The following MAST4 variants were observed in gnomAD, a reference collection of about 807,000 sequenced individuals.
MAST4 encodes microtubule associated serine/threonine kinase family member 4.
A neutral mutation model predicts 162.7 loss-of-function variants in MAST4; 89 were observed. The observed-to-expected ratio is 0.55, with a 90% CI of 0.46 to 0.65. The LOEUF (loss-of-function observed/expected upper bound fraction) is 0.65. Among genes scored for constraint, MAST4 ranks in the 30% least tolerant of loss-of-function variants. MAST4 has a pLI of 0.00. For synonymous variants in MAST4, 1,479 were observed against 1,361.1 expected, an observed-to-expected ratio of 1.09 and a Z score of -1.91; for missense variants, 3,153 against 3,374.0, an observed-to-expected ratio of 0.93 and a Z score of 1.62.
At chr5:66,802,988 A>G (rs1253187024) in intron 3 of MAST4, among the ~76,000 whole-genome samples, 1 of 152,148 alleles carries the variant, frequency 6.6e-6, no homozygotes, top group Non-Finnish European at 1.5e-5. Flanking sequence ...CAGATGATGA[A>G]AAAGACTGGT....
At chr5:66,907,238 A>G (rs972617776) in intron 4 of MAST4, among the ~76,000 whole-genome samples, 2 of 149,384 alleles carry the variant, frequency 1.3e-5, no homozygotes, top group African/African-American at 5.0e-5. Flanking sequence ...CTTCACAGAT[A>G]GAATCCCAGG....
intron 3 of MAST4, among the ~76,000 whole-genome samples, chr5:66,837,896 T>A (rs2921581): frequency 8.0e-3 from 130 of 16,264 alleles, no homozygotes; most frequent in Middle Eastern, 0.062. Flanking sequence ...ATATATATAT[T>A]TTTTTTTTTT....
At chr5:66,618,255 G>A (rs1413197293) in intron 1 of MAST4, among the ~76,000 whole-genome samples, 1 of 152,204 alleles carries the variant, frequency 6.6e-6, no homozygotes, top group Admixed American at 6.5e-5. Flanking sequence ...AAGTCTGAGG[G>A]TGCAGGGTAG....
Position 66,800,584 on chromosome 5 carries a change from C to G in MAST4, c.642+11790C>G, listed in dbSNP as rs150682873. ...GGAGGGAGAGGATCAGGAAAAATAA[C>G]TAATGGGTACTGGGATTAATACCTG... On this transcript the variant is annotated intron_variant, in intron 3 of 28. Coordinates refer to ENST00000403625, the MANE Select transcript of MAST4 (RefSeq NM_001164664.2). Among the ~76,000 whole-genome samples, 933 of 152,130 alleles carry G rather than the reference C, an allele frequency of 6.1e-3. 7 individuals are homozygous for G. The highest frequency in any genetic ancestry group is 0.022 in the African/African-American group (899 of 41,504).
intron 21 of MAST4, among the ~76,000 whole-genome samples, 181 bp from the exon 22 acceptor site, chr5:67,144,484 ACACT>A (rs1057341087): frequency 1.5e-5 from 2 of 135,790 alleles, no homozygotes; most frequent in Non-Finnish European, 3.3e-5. Context: ...ACACACACAC[ACACT>A]CACTCACCCT....
chr5:67,164,272 AAG>A lies in MAST4; in HGVS notation c.5096_5097del (p.Glu1699GlyfsTer38). ...CGAAAGAAAATGTCACTTGAGGACA[AAG>A]AGGACAACCTCTGCCCTGTGCTGAA... On this transcript the variant is annotated frameshift_variant, in exon 29 of 29. Transcript: ENST00000403625. LOFTEE classifies it low-confidence loss of function (END_TRUNC). The surrounding 1 kb of genome is among the most constrained non-coding windows in gnomAD (Gnocchi z 5.3). 1 of 1,614,028 alleles carries A rather than the reference AAG, an allele frequency of 6.2e-7. No individual in the cohort carries two copies. The highest frequency in any genetic ancestry group is 8.5e-7 in the Non-Finnish European group (1 of 1,179,884).
At chr5:66,934,929 C>A (rs1742569245) in intron 4 of MAST4, among the ~76,000 whole-genome samples, 3 of 152,160 alleles carry the variant, frequency 2.0e-5, no homozygotes, top group Admixed American at 2.0e-4. Flanking sequence ...AAGACATATG[C>A]ATTTGAAAGT....
chr5:67,078,929 T>TATATATA (rs1762233235), intron 5 of MAST4, among the ~76,000 whole-genome samples: 1 of 67,218 alleles, frequency 1.5e-5, no homozygotes, highest in Non-Finnish European at 2.6e-5. Context: ...TATATATATA[T>TATATATA]ATATATATAT....
chr5:66,804,772 G>A (rs779094680), intron 3 of MAST4, among the ~76,000 whole-genome samples: 2 of 151,978 alleles, frequency 1.3e-5, no homozygotes, highest in Non-Finnish European at 2.9e-5. Flanking sequence ...TCCTTTGTTG[G>A]GGGACTTTTA....
At chr5:67,045,954 C>T (rs1236744233) in intron 4 of MAST4, among the ~76,000 whole-genome samples, 2 of 152,162 alleles carry the variant, frequency 1.3e-5, no homozygotes, top group African/African-American at 2.4e-5. Context: ...ACTGAAGTCC[C>T]TACTCCTGTC....
chr5:67,056,365 A>G (rs1758824906), intron 5 of MAST4, among the ~76,000 whole-genome samples: 1 of 152,182 alleles, frequency 6.6e-6, no homozygotes, highest in Non-Finnish European at 1.5e-5. Context: ...CACTCAGCAC[A>G]GTGCGCAGCA....
intron 3 of MAST4, among the ~76,000 whole-genome samples, chr5:66,849,889 C>T (rs1169563477): frequency 6.6e-6 from 1 of 152,140 alleles, no homozygotes; most frequent in Non-Finnish European, 1.5e-5. Context: ...TTGATAAAAG[C>T]TGTGTGCACA....
intron 3 of MAST4, among the ~76,000 whole-genome samples, chr5:66,798,699 T>C (rs961076661): frequency 2.0e-5 from 3 of 152,198 alleles, no homozygotes; most frequent in African/African-American, 7.2e-5. Flanking sequence ...AAAACAGGCG[T>C]ATACATTTAT....
intron 4 of MAST4, among the ~76,000 whole-genome samples, chr5:66,980,566 G>A (rs551351547): frequency 8.5e-5 from 13 of 152,178 alleles, no homozygotes; most frequent in African/African-American, 2.4e-4. Context: ...GAAATCTTTC[G>A]TGAAATGGCT....
intron 3 of MAST4, among the ~76,000 whole-genome samples, chr5:66,847,165 A>T (rs1327228517): frequency 6.6e-6 from 1 of 152,222 alleles, no homozygotes; most frequent in African/African-American, 2.4e-5. Context: ...GGAAAAGTTG[A>T]CACGGATTCA....
rs564170215 is a variant in MAST4, at chr5:66,618,256, T to G, written c.363+21238T>G. On this transcript the variant is annotated intron_variant, in intron 1 of 28. Transcript: ENST00000403625. ...TTGATCCTCACAGCAAGTCTGAGGG[T>G]GCAGGGTAGTAGCCCCATTTTATAG... is the stretch of plus-strand genomic sequence containing the variant. Among the ~76,000 whole-genome samples, 60 of 152,274 alleles carry G rather than the reference T, an allele frequency of 3.9e-4. No homozygotes were observed. In the Middle Eastern group the frequency reaches 0.01, roughly 26 times the overall value.
intron 1 of MAST4, among the ~76,000 whole-genome samples, chr5:66,650,582 TTAATTA>T (rs1746152870): frequency 6.6e-6 from 1 of 152,196 alleles, no homozygotes; most frequent in South Asian, 2.1e-4. Flanking sequence ...TTGCTATAAT[TTAATTA>T]TAAGCTACTG....
At chr5:66,760,079 ATTT>A (rs72149614) in intron 2 of MAST4, among the ~76,000 whole-genome samples, 20,926 of 135,954 alleles carry the variant, frequency 0.15, 1,888 homozygotes, top group East Asian at 0.42. Context: ...AATATCCCCT[ATTT>A]ATTTATTTAT....
Position 66,596,761 on chromosome 5 carries a change from G to A in MAST4, c.106G>A (p.Ala36Thr). 2.9e-6 allele frequency: 4 copies of A among 1,397,464 alleles called. No homozygotes were observed. Among genetic ancestry groups the A allele is most frequent in the Non-Finnish European group, 3.7e-6 (4 of 1,073,328 alleles). The allele number at this position is 1,397,464 out of a possible 1,614,324, so 86.6% of individuals were successfully genotyped here. The part of the protein sequence containing the change: ...SALVAASSPG[A>T]SSAESSSGSE... The stretch of plus-strand genomic sequence containing the variant: ...GCTGGTCGCCGCGTCCTCTCCGGGT[G>A]CTTCCTCGGCCGAGTCCTCCTCGGG... The change falls in exon 1 of 29, where the codon GCT becomes ACT. Residue 36 changes from alanine (A) to threonine (T), a missense_variant. Physicochemically the swap from Ala to Thr is moderately conservative, Grantham distance 58. Transcript: ENST00000403625.
Sources: gnomAD v4.1 joint callset for allele counts (sites outside exome capture counted in the v4.1 genomes callset) on GRCh38, gnomAD v4.1.1 for gene constraint, Gnocchi (gnomAD v3.1) non-coding constraint, MANE v1.5 for transcripts, NCBI Gene and HGNC (gene_info 2026-07-23, HGNC 2026-07-21) for gene names.